The following RAP1GAP2 variants were observed in gnomAD, a reference collection of about 807,000 sequenced individuals.
The protein encoded by RAP1GAP2 is RAP1 GTPase activating protein 2.
A neutral mutation model predicts 95.0 loss-of-function variants in RAP1GAP2; 27 were observed. That is an observed-to-expected ratio of 0.28 (90% confidence interval 0.21 to 0.39). The LOEUF is 0.39. Ranked by LOEUF, RAP1GAP2 falls within the 10% of genes least tolerant of loss-of-function variation. RAP1GAP2 has a pLI of 1.00. For synonymous variants in RAP1GAP2, 373 were observed against 380.9 expected (o/e 0.98, Z 0.24); for missense variants, 771 against 970.0 (o/e 0.79, Z 2.72).
intron 11 of RAP1GAP2, among the ~76,000 whole-genome samples, chr17:2,987,148 G>A (rs1204558080): frequency 6.6e-6 from 1 of 152,118 alleles, no homozygotes; most frequent in East Asian, 1.9e-4. Flanking sequence ...GATAAACACA[G>A]GCAGCAGGCC....
Position 2,963,767 on chromosome 17 carries a change from C to G in RAP1GAP2, c.280-89C>G. 8.3e-7 allele frequency: 1 copy of G among 1,212,030 alleles called. No homozygotes were observed. Among genetic ancestry groups the G allele is most frequent in the East Asian group, 2.6e-5 (1 of 39,062 alleles). 75.1% of individuals were successfully genotyped at this position (1,212,030 alleles called of 1,614,324 possible). A position where few individuals can be genotyped will look rare whatever the true frequency, so the allele number is the denominator to read the frequency against. On this transcript the variant is annotated intron_variant, in intron 6 of 24. Coordinates refer to ENST00000254695, the MANE Select transcript of RAP1GAP2 (RefSeq NM_015085.5). This position sits in a 1 kb window ranked among gnomAD's most constrained non-coding sequence, Gnocchi z 4.8. ...GTACCAGTGGGTACCAGGCCCCACT[C>G]CTGGGAGCAGCGCAGAGGGGACACC... is the stretch of plus-strand genomic sequence containing the variant.
intron 3 of RAP1GAP2, among the ~76,000 whole-genome samples, chr17:2,935,450 T>G (rs984621858): frequency 5.9e-5 from 9 of 152,038 alleles, no homozygotes; most frequent in Non-Finnish European, 1.3e-4. Flanking sequence ...GAGGTTGCAG[T>G]GAGCTGAGAT....
At chr17:2,853,312 A>G (rs546596621) in intron 2 of RAP1GAP2, among the ~76,000 whole-genome samples, 79 of 149,746 alleles carry the variant, frequency 5.3e-4, no homozygotes, top group African/African-American at 1.7e-3. Context: ...GGGGACGGGG[A>G]CCGCGCGCGG....
chr17:2,995,602 C>T (rs1231986008), intron 13 of RAP1GAP2, 136 bp downstream of exon 13: 11 of 1,227,240 alleles, frequency 9.0e-6, no homozygotes, highest in Admixed American at 4.6e-5. Context: ...TGCGCAGCAG[C>T]GTCACAGTCC....
chr17:2,792,344 G>A (rs775351703), upstream of RAP1GAP2, among the ~76,000 whole-genome samples: 18 of 152,188 alleles, frequency 1.2e-4, no homozygotes, highest in Non-Finnish European at 2.2e-4. Context: ...TTGGAGCCCC[G>A]TGCTCAGTGT....
intron 2 of RAP1GAP2, among the ~76,000 whole-genome samples, chr17:2,845,288 G>A (rs537321663): frequency 2.6e-5 from 4 of 152,100 alleles, no homozygotes; most frequent in Admixed American, 2.0e-4. Flanking sequence ...GATTACAGGC[G>A]CCCACCACCA....
rs569151472 is a variant in RAP1GAP2 at position 3,018,095 on chromosome 17, C to T, written c.1529C>T (p.Thr510Ile). 1.8e-5 allele frequency: 29 copies of T among 1,591,938 alleles called. No homozygotes were observed. The highest frequency in any genetic ancestry group is 3.3e-4 in the Middle Eastern group (2 of 6,036). The change falls in exon 18 of 25, where the codon ACC (threonine) becomes ATC (isoleucine). Residue 510 changes from threonine (T) to isoleucine (I), a missense_variant. Physicochemically the swap from Thr to Ile is moderately conservative, Grantham distance 89. Coordinates refer to ENST00000254695, the MANE Select transcript of RAP1GAP2 (RefSeq NM_015085.5). ...CGCGTACGCAGCCACTCCATGGAGA[C>T]CATGGTGGGCGGCCAGAAGAAGTCG... ...AIRVRSHSME[T>I]MVGGQKKSHS...
rs117710911 is a variant in RAP1GAP2, at chr17:2,857,279, C to T, written c.81-48005C>T. On this transcript the variant is annotated intron_variant, in intron 2 of 24. Coordinates refer to ENST00000254695, the MANE Select transcript of RAP1GAP2 (RefSeq NM_015085.5). The surrounding 1 kb of genome is among the most constrained non-coding windows in gnomAD (Gnocchi z 4.0). ...TTGTGTGTGGCTTGCAGGGACCACC[C>T]AGTGGTCTTTTTCATCCTCCTGCTC... Among the ~76,000 whole-genome samples the T allele has an allele frequency of 9.9e-3, 1,509 of 152,264 alleles. 22 individuals are homozygous for T. The highest frequency in any genetic ancestry group is 0.043 in the South Asian group (207 of 4,826).
intron 1 of RAP1GAP2, among the ~76,000 whole-genome samples, chr17:2,798,868 G>A (rs1459249011): frequency 6.6e-6 from 1 of 152,208 alleles, no homozygotes; most frequent in African/African-American, 2.4e-5. Flanking sequence ...GCCTGTAGGT[G>A]GTGCGGTGGG....
At chr17:2,909,707 G>A (rs933183349) in intron 3 of RAP1GAP2, among the ~76,000 whole-genome samples, 3 of 152,118 alleles carry the variant, frequency 2.0e-5, no homozygotes, top group Admixed American at 1.3e-4. Context: ...CTCCTCCCCC[G>A]TGTTCTGTCC....
chr17:2,812,421 G>A (rs562690789), intron 2 of RAP1GAP2, among the ~76,000 whole-genome samples: 1 of 151,994 alleles, frequency 6.6e-6, no homozygotes, highest in Non-Finnish European at 1.5e-5. Flanking sequence ...CTCCTCCTCC[G>A]GTCTCTGCCA....
chr17:2,975,349 A>T (rs2045065663), intron 8 of RAP1GAP2, among the ~76,000 whole-genome samples: 1 of 152,230 alleles, frequency 6.6e-6, no homozygotes, highest in Admixed American at 6.5e-5. Flanking sequence ...AAATATAGCT[A>T]TATTCTGCTT....
chr17:2,869,226 G>GT (rs1240427986), intron 2 of RAP1GAP2, among the ~76,000 whole-genome samples: 1 of 152,148 alleles, frequency 6.6e-6, no homozygotes, highest in Non-Finnish European at 1.5e-5. Flanking sequence ...ATAGTGTATA[G>GT]TATGCTTATA....
chr17:2,865,462 C>T (rs773252167), intron 2 of RAP1GAP2, among the ~76,000 whole-genome samples: 2 of 152,152 alleles, frequency 1.3e-5, no homozygotes, highest in Non-Finnish European at 2.9e-5. Flanking sequence ...GGCTGCTGGC[C>T]TCACTAATGA....
Position 2,780,561 on chromosome 17 carries a change from C to T in RAP1GAP2, c.-14+3283C>T, listed in dbSNP as rs190942617. 3.9e-5 allele frequency among the ~76,000 whole-genome samples: 6 copies of T among 152,340 alleles called. No homozygotes were observed. In the East Asian group the frequency reaches 1.2e-3, roughly 29 times the overall value. On this transcript the variant is annotated intron_variant, in intron 1 of 24. Transcript: ENST00000540393. ...CCATCTCTGAGCAATGTGCACCCCCCCCAGGAGAGGTCACAGAGTGGGGAA... is the reference window on the plus strand; with the variant it reads ...CCATCTCTGAGCAATGTGCACCCCCTCCAGGAGAGGTCACAGAGTGGGGAA...
chr17:2,950,605 A>ATTTTTTTT (rs3035074), intron 3 of RAP1GAP2, among the ~76,000 whole-genome samples: 1 of 78,056 alleles, frequency 1.3e-5, no homozygotes, highest in African/African-American at 4.7e-5. Context: ...ATTTGCTTCA[A>ATTTTTTTT]TTTTTTTTTT....
chr17:2,873,478 A>G (rs1275985771), intron 2 of RAP1GAP2, among the ~76,000 whole-genome samples: 1 of 44,084 alleles, frequency 2.3e-5, no homozygotes, highest in African/African-American at 1.0e-4. Context: ...CTGTCTCAAA[A>G]AAAAAAAAAA....
chr17:2,771,135 C>T (rs1283218252), intron 2 of RAP1GAP2, among the ~76,000 whole-genome samples: 1 of 152,114 alleles, frequency 6.6e-6, no homozygotes, highest in Non-Finnish European at 1.5e-5. Flanking sequence ...ACTGGAGATC[C>T]CTGGTTCCTT....
chr17:2,982,651 A>G (rs1006036453), intron 10 of RAP1GAP2, among the ~76,000 whole-genome samples: 5 of 151,936 alleles, frequency 3.3e-5, no homozygotes, highest in African/African-American at 1.2e-4. Flanking sequence ...CCTCCCCTTT[A>G]TAATTACAAC....
Sources: allele counts gnomAD v4.1 joint callset (sites outside exome capture counted in the v4.1 genomes callset), GRCh38; gene constraint gnomAD v4.1.1; non-coding constraint Gnocchi (gnomAD v3.1); transcripts MANE v1.5; gene names NCBI Gene and HGNC (gene_info 2026-07-23, HGNC 2026-07-21).